The following NRXN3 variants were observed in gnomAD, a reference collection of about 807,000 sequenced individuals.
The protein encoded by NRXN3 is neurexin III.
In NRXN3, 32 loss-of-function variants were observed where a neutral mutation model predicts 137.6. The ratio of observed to expected loss-of-function variants is 0.23; its 90% CI spans 0.18 to 0.31. The LOEUF (loss-of-function observed/expected upper bound fraction) is 0.31, where lower values mean the gene tolerates loss of function less well. Among genes scored for constraint, NRXN3 ranks in the 10% least tolerant of loss-of-function variants. The pLI, the probability that NRXN3 is intolerant of heterozygous loss-of-function variation, is 1.00. For missense variants in NRXN3, 1,574 were observed against 2,062.5 expected (o/e 0.76, Z 4.59); for synonymous variants, 798 against 784.5 (o/e 1.02, Z -0.29).
chr14:78,278,195 T>C (rs1298853307), intron 2 of NRXN3, among the ~76,000 whole-genome samples: 1 of 152,242 alleles, frequency 6.6e-6, no homozygotes, highest in African/African-American at 2.4e-5. Flanking sequence ...TGGTTCATTT[T>C]TACTTTTTCT....
chr14:78,338,288 A>G (rs1296144487), intron 4 of NRXN3, among the ~76,000 whole-genome samples: 1 of 152,250 alleles, frequency 6.6e-6, no homozygotes, highest in Non-Finnish European at 1.5e-5. Context: ...TCACTTCCCC[A>G]GTCTCACTAG....
At chr14:79,113,700 T>G (rs936380087) in intron 15 of NRXN3, among the ~76,000 whole-genome samples, 1 of 152,220 alleles carries the variant, frequency 6.6e-6, no homozygotes, top group Non-Finnish European at 1.5e-5. Context: ...ACAATCCAAC[T>G]TCTCAATGAT....
intron 4 of NRXN3, among the ~76,000 whole-genome samples, chr14:78,643,127 T>C (rs1436881941): frequency 2.0e-5 from 3 of 152,226 alleles, no homozygotes; most frequent in Non-Finnish European, 4.4e-5. Flanking sequence ...CAATATGTAG[T>C]GGGTAGAAGT....
At chr14:78,377,663 C>T (rs1280523826) in intron 4 of NRXN3, among the ~76,000 whole-genome samples, 1 of 152,186 alleles carries the variant, frequency 6.6e-6, no homozygotes, top group Non-Finnish European at 1.5e-5. Context: ...GTTTATTCTG[C>T]TGAGGCCTCT....
chr14:79,211,664 G>A (rs2067681890), intron 15 of NRXN3, among the ~76,000 whole-genome samples: 1 of 152,142 alleles, frequency 6.6e-6, no homozygotes, highest in African/African-American at 2.4e-5. Context: ...GTTATGTCAT[G>A]TCATCTCTAC....
At chr14:79,302,345 G>C (rs935013553) in intron 15 of NRXN3, among the ~76,000 whole-genome samples, 1 of 152,000 alleles carries the variant, frequency 6.6e-6, no homozygotes, top group Non-Finnish European at 1.5e-5. Flanking sequence ...TTTGCAGACT[G>C]TACAAGCATG....
intron 8 of NRXN3, among the ~76,000 whole-genome samples, chr14:78,775,290 A>G (rs749653639): frequency 1.3e-5 from 2 of 152,190 alleles, no homozygotes; most frequent in South Asian, 2.1e-4. Context: ...AGGCCTCAGC[A>G]TCTATACAAG....
intron 15 of NRXN3, among the ~76,000 whole-genome samples, chr14:79,060,872 G>T (rs888190287): frequency 3.9e-5 from 6 of 152,020 alleles, no homozygotes; most frequent in Admixed American, 2.6e-4. Flanking sequence ...TTAGGGTGGA[G>T]AAGTTCCCAT....
intron 16 of NRXN3, among the ~76,000 whole-genome samples, chr14:79,565,610 G>T (rs989566831): frequency 1.3e-5 from 2 of 151,832 alleles, no homozygotes; most frequent in African/African-American, 4.8e-5. Flanking sequence ...TAGGGTGGTG[G>T]AAATTACCAA....
chr14:79,118,907 C>T (rs1464985533), intron 15 of NRXN3, among the ~76,000 whole-genome samples: 1 of 152,116 alleles, frequency 6.6e-6, no homozygotes, highest in African/African-American at 2.4e-5. Flanking sequence ...CTAAGAGAGA[C>T]ACGACAAAAT....
chr14:79,383,295 A>G (rs1408113348), intron 15 of NRXN3, among the ~76,000 whole-genome samples: 2 of 152,148 alleles, frequency 1.3e-5, no homozygotes, highest in Non-Finnish European at 2.9e-5. Flanking sequence ...TTTGCTGAAT[A>G]TTAAGCATCT....
At chr14:79,510,362 T>C (rs994127286) in intron 16 of NRXN3, among the ~76,000 whole-genome samples, 1 of 152,106 alleles carries the variant, frequency 6.6e-6, no homozygotes, top group African/African-American at 2.4e-5. Context: ...AGCAGGGGAA[T>C]TGATAGGCTC....
chr14:78,700,638 T>C (rs1357162226), intron 6 of NRXN3, among the ~76,000 whole-genome samples: 1 of 152,180 alleles, frequency 6.6e-6, no homozygotes, highest in Admixed American at 6.5e-5. Flanking sequence ...GTCAAGTTCT[T>C]ATTTGTTAAC....
At chr14:79,783,147 A>G (rs2099119102) in intron 19 of NRXN3, among the ~76,000 whole-genome samples, 1 of 152,154 alleles carries the variant, frequency 6.6e-6, no homozygotes, top group Admixed American at 6.5e-5. Context: ...TGTGTTTTTA[A>G]TGATATGATT....
At chr14:79,485,687 G>C (rs775927569) in intron 16 of NRXN3, among the ~76,000 whole-genome samples, 22 of 126,178 alleles carry the variant, frequency 1.7e-4, no homozygotes, top group Middle Eastern at 4.4e-3. Context: ...AGGTATTACT[G>C]TGAGTATCAG....
At chr14:78,709,193 G>T (rs1320453596) in intron 6 of NRXN3, 24 bp from the exon 7 acceptor site, 2 of 1,589,752 alleles carry the variant, frequency 1.3e-6, no homozygotes, top group East Asian at 4.5e-5. Context: ...GATTCACATG[G>T]CACTTTTGTT....
chr14:79,670,642 A>G (rs76698210), intron 17 of NRXN3, among the ~76,000 whole-genome samples: 2,990 of 152,236 alleles, frequency 0.02, 48 homozygotes, highest in Non-Finnish European at 0.03. Context: ...CTCTGACAGC[A>G]TGGCTATGGT....
intron 10 of NRXN3, among the ~76,000 whole-genome samples, chr14:78,920,313 A>G (rs1416724938): frequency 1.3e-5 from 2 of 152,242 alleles, no homozygotes; most frequent in African/African-American, 4.8e-5. Context: ...AAGCAAGTCA[A>G]TGGCTACATC....
rs541305297 is a variant in NRXN3 at position 79,405,018 on chromosome 14, G to A, written c.3263-62203G>A. ...AATCCATGCAATGATCAAGTTCATA[G>A]CAATTTCCCCAGGAGACTGTATCAT... On this transcript the variant is annotated intron_variant, in intron 15 of 20. Transcript: ENST00000335750. 7.9e-5 allele frequency among the ~76,000 whole-genome samples: 12 copies of A among 152,256 alleles called. No individual in the cohort carries two copies. The East Asian group carries it at 1.9e-3, about 25-fold the overall frequency.
Sources: gnomAD v4.1 joint callset for allele counts (sites outside exome capture counted in the v4.1 genomes callset) on GRCh38, gnomAD v4.1.1 for gene constraint, MANE v1.5 for transcripts, NCBI Gene and HGNC (gene_info 2026-07-23, HGNC 2026-07-21) for gene names.